ANKS1B: variants seen among roughly 807,000 people sequenced by gnomAD.
The protein encoded by ANKS1B is ankyrin repeat and sterile alpha motif domain containing 1B, also known as ankyrin repeat and sterile alpha motif domain-containing protein 1B.
Under a neutral mutation model 148.3 loss-of-function variants are expected in ANKS1B, and 36 were observed. The observed-to-expected ratio is 0.24, with a 90% CI of 0.19 to 0.32. The LOEUF (loss-of-function observed/expected upper bound fraction) is 0.32. Ranked by LOEUF, ANKS1B falls within the 10% of genes least tolerant of loss-of-function variation. The pLI is 1.00. For synonymous variants in ANKS1B, 542 were observed against 560.8 expected (o/e 0.97, Z 0.47); for missense variants, 1,157 against 1,542.6 (o/e 0.75, Z 4.19).
chr12:98,964,112 T>C (rs1041480793), intron 17 of ANKS1B, among the ~76,000 whole-genome samples: 1 of 151,758 alleles, frequency 6.6e-6, no homozygotes, highest in African/African-American at 2.4e-5. Flanking sequence ...AAAAAAAATC[T>C]AATAATCCCA....
intron 1 of ANKS1B, among the ~76,000 whole-genome samples, chr12:99,894,801 A>G (rs2093323191): frequency 6.7e-6 from 1 of 149,562 alleles, no homozygotes; most frequent in South Asian, 2.1e-4. Context: ...CCAACAATAT[A>G]TTGTTGGATA....
At chr12:99,850,288 T>C (rs7975270) in intron 1 of ANKS1B, among the ~76,000 whole-genome samples, 1,406 of 38,830 alleles carry the variant, frequency 0.036, 27 homozygotes, top group African/African-American at 0.091. Flanking sequence ...AAAGTCTCTC[T>C]CTCTCTCTCT....
At chr12:99,520,135 T>G (rs1452873581) in intron 9 of ANKS1B, among the ~76,000 whole-genome samples, 2 of 152,170 alleles carry the variant, frequency 1.3e-5, no homozygotes, top group South Asian at 4.1e-4. Context: ...ATATTCTCTG[T>G]TTTTTTCTGT....
chr12:99,443,135 T>C (rs2095577979), intron 11 of ANKS1B, among the ~76,000 whole-genome samples: 1 of 151,354 alleles, frequency 6.6e-6, no homozygotes, highest in Non-Finnish European at 1.5e-5. Context: ...GAGACAGGAA[T>C]GGAAAAAAGA....
At chr12:99,383,734 C>A (rs1311500179) in intron 12 of ANKS1B, among the ~76,000 whole-genome samples, 2 of 151,594 alleles carry the variant, frequency 1.3e-5, no homozygotes, top group Non-Finnish European at 2.9e-5. Flanking sequence ...CTGGCATAGG[C>A]TGAGTGCAGT....
chr12:99,704,743 A>G (rs1404982104), intron 8 of ANKS1B, among the ~76,000 whole-genome samples: 1 of 152,094 alleles, frequency 6.6e-6, no homozygotes, highest in Non-Finnish European at 1.5e-5. Context: ...CTGGTATAAT[A>G]GTTCTCTAGC....
chr12:98,858,546 C>T (rs1409096003), intron 17 of ANKS1B, among the ~76,000 whole-genome samples: 1 of 152,128 alleles, frequency 6.6e-6, no homozygotes, highest in Admixed American at 6.5e-5. Flanking sequence ...CGTCATGTTG[C>T]CCAGGCTGGT....
chr12:99,881,127 C>A (rs1242850070), intron 1 of ANKS1B, among the ~76,000 whole-genome samples: 1 of 152,088 alleles, frequency 6.6e-6, no homozygotes, highest in African/African-American at 2.4e-5. Flanking sequence ...ACCTGGTACA[C>A]CAAAACCAGG....
At chr12:99,891,521 T>G (rs915288496) in intron 1 of ANKS1B, among the ~76,000 whole-genome samples, 1 of 151,834 alleles carries the variant, frequency 6.6e-6, no homozygotes, top group Non-Finnish European at 1.5e-5. Context: ...TGCCCGGCCC[T>G]CGTTGTGATT....
chr12:99,718,798 G>A (rs139145083), intron 8 of ANKS1B, among the ~76,000 whole-genome samples: 117 of 152,062 alleles, frequency 7.7e-4, no homozygotes, highest in African/African-American at 2.3e-3. Flanking sequence ...GCCTTTCTTC[G>A]CTTTCACTTA....
At chr12:99,712,837 G>A (rs1023238796) in intron 8 of ANKS1B, among the ~76,000 whole-genome samples, 4 of 152,198 alleles carry the variant, frequency 2.6e-5, no homozygotes, top group African/African-American at 9.7e-5. Context: ...CAAAACCCAG[G>A]AATAATCCTC....
chr12:99,817,918 T>C (rs1241383716), intron 2 of ANKS1B, among the ~76,000 whole-genome samples: 5 of 151,846 alleles, frequency 3.3e-5, no homozygotes, highest in Admixed American at 6.6e-5. Flanking sequence ...TGTTGCTAGA[T>C]AGATAGTCTG....
chr12:99,142,500 A>C (rs1306226995), intron 15 of ANKS1B, among the ~76,000 whole-genome samples: 1 of 152,108 alleles, frequency 6.6e-6, no homozygotes, highest in Non-Finnish European at 1.5e-5. Context: ...TTTGAAAAAA[A>C]ATCAGGTTAT....
intron 15 of ANKS1B, among the ~76,000 whole-genome samples, chr12:99,105,712 T>C (rs1324031588): frequency 7.3e-6 from 1 of 137,540 alleles, no homozygotes; most frequent in Non-Finnish European, 1.5e-5. Flanking sequence ...GGGCTTGCAG[T>C]GAGCCGAGAT....
intron 14 of ANKS1B, among the ~76,000 whole-genome samples, chr12:99,229,421 C>T (rs1002908533): frequency 6.6e-6 from 1 of 151,696 alleles, no homozygotes; most frequent in African/African-American, 2.4e-5. Flanking sequence ...TGCTCCTGTT[C>T]AATTGCTTCC....
intron 8 of ANKS1B, among the ~76,000 whole-genome samples, chr12:99,745,100 T>C (rs138877503): frequency 6.6e-6 from 1 of 150,416 alleles, no homozygotes; most frequent in East Asian, 2.0e-4. Context: ...ATGAAAAGAC[T>C]CAGGATGTTC....
At chr12:99,039,786 C>T (rs1456861418) in intron 17 of ANKS1B, among the ~76,000 whole-genome samples, 1 of 152,232 alleles carries the variant, frequency 6.6e-6, no homozygotes, top group Non-Finnish European at 1.5e-5. Context: ...GTGCGCTGCA[C>T]CCACTAACTC....
intron 12 of ANKS1B, among the ~76,000 whole-genome samples, chr12:99,283,103 T>C (rs1426620714): frequency 6.6e-6 from 1 of 152,230 alleles, no homozygotes; most frequent in Non-Finnish European, 1.5e-5. Context: ...TTCATTCTTA[T>C]GAGACCTCTC....
intron 11 of ANKS1B, among the ~76,000 whole-genome samples, chr12:99,411,692 A>G (rs555505703): frequency 6.6e-6 from 1 of 152,334 alleles, no homozygotes; most frequent in Non-Finnish European, 1.5e-5. Flanking sequence ...CACCTTTATC[A>G]TATACTAAAT....
Sources: allele counts gnomAD v4.1 joint callset (sites outside exome capture counted in the v4.1 genomes callset), GRCh38; gene constraint gnomAD v4.1.1; transcripts MANE v1.5; gene names NCBI Gene and HGNC (gene_info 2026-07-23, HGNC 2026-07-21).